CEP76: variants seen among roughly 807,000 people sequenced by gnomAD.
CEP76 encodes centrosomal protein of 76 kDa.
Under a neutral mutation model 83.3 loss-of-function variants are expected in CEP76, and 55 were observed. The ratio of observed to expected loss-of-function variants is 0.66; its 90% confidence interval spans 0.53 to 0.83. The LOEUF (loss-of-function observed/expected upper bound fraction) is 0.83, where lower values mean the gene tolerates loss of function less well. Among genes scored for constraint, CEP76 ranks in the 40% least tolerant of loss-of-function variants. CEP76 has a pLI of 0.00. For missense variants in CEP76, 694 were observed against 799.5 expected, an observed-to-expected ratio of 0.87 and a Z score of 1.59; for synonymous variants, 270 against 274.5, an observed-to-expected ratio of 0.98 and a Z score of 0.16.
chr18:12,682,437 C>T (rs556207529), intron 8 of CEP76, among the ~76,000 whole-genome samples: 1 of 152,288 alleles, frequency 6.6e-6, no homozygotes, highest in African/African-American at 2.4e-5. Context: ...AATCCGCTTG[C>T]CTCAGCCTCC....
chr18:12,680,756 C>A lies in CEP76; in HGVS notation c.1195G>T (p.Val399Phe), dbSNP rs1328347368. The part of the protein sequence containing the change: ...LGYGLEAFVC[V>F]GTKAKGVPHA... Reference sequence around the variant, plus strand: ...GGTACTCCTTTTGCCTTGGTCCCAACACAAACAAAGGCTTCTAATCCATAT... The same window carrying A: ...GGTACTCCTTTTGCCTTGGTCCCAAAACAAACAAAGGCTTCTAATCCATAT... The change falls in exon 9 of 12, where the codon GTT (valine) becomes TTT (phenylalanine). Residue 399 changes from valine (V) to phenylalanine (F), a missense_variant. Transcript: ENST00000262127. 1 of 1,613,660 alleles carries A rather than the reference C, an allele frequency of 6.2e-7. No individual in the cohort carries two copies. Among genetic ancestry groups the A allele is most frequent in the Non-Finnish European group, 8.5e-7 (1 of 1,179,788 alleles).
downstream of CEP76, among the ~76,000 whole-genome samples, chr18:12,672,150 T>C (rs2038964746): frequency 6.8e-6 from 1 of 147,708 alleles, no homozygotes; most frequent in Admixed American, 6.9e-5. Flanking sequence ...AGTCTCGCTC[T>C]GCCTCCCATG....
downstream of CEP76, among the ~76,000 whole-genome samples, chr18:12,669,123 C>CT (rs113784090): frequency 8.5e-3 from 1,009 of 118,934 alleles, 55 homozygotes; most frequent in African/African-American, 0.029. Flanking sequence ...ACGGCAACCT[C>CT]TTTTTTTTTG....
intron 8 of CEP76, among the ~76,000 whole-genome samples, chr18:12,683,096 A>G (rs904441669): frequency 1.3e-5 from 2 of 150,894 alleles, no homozygotes; most frequent in Admixed American, 6.7e-5. Flanking sequence ...CTGTAATCTC[A>G]GCACTTTGGG....
rs1568008246 is a variant in CEP76 at position 12,673,206 on chromosome 18, A to AT, written c.*158dup. On this transcript the variant is annotated 3_prime_UTR_variant, in exon 12 of 12. Coordinates refer to ENST00000262127, the MANE Select transcript of CEP76 (RefSeq NM_024899.4). ...GCCTTAATTTTTAAAGGAATGCATG[A>AT]TTTTTTTTAAACATTACCAGTCAAG... 5.2e-6 allele frequency: 7 copies of AT among 1,336,300 alleles called. No individual in the cohort carries two copies. Among genetic ancestry groups the AT allele is most frequent in the East Asian group, 2.9e-5 (1 of 34,032 alleles). The allele number at this position is 1,336,300 out of a possible 1,614,324, so 82.8% of individuals were successfully genotyped here. A position where few individuals can be genotyped will look rare whatever the true frequency, so the allele number is the denominator to read the frequency against.
intron 9 of CEP76, among the ~76,000 whole-genome samples, 166 bp from the exon 10 acceptor site, chr18:12,678,608 T>C (rs905171071): frequency 3.9e-5 from 6 of 152,320 alleles, no homozygotes; most frequent in African/African-American, 1.4e-4. Flanking sequence ...TCTGTATTAA[T>C]TGTATGGTAC....
At chr18:12,692,294 C>CGATA (rs1568027024) in intron 6 of CEP76, 1 of 150,582 alleles carries the variant, frequency 6.6e-6, no homozygotes, top group Non-Finnish European at 1.5e-5. Context: ...CCACCCTGGG[C>CGATA]GATAGAGTGA....
chr18:12,678,564 G>T, intron 9 of CEP76, 122 bp from the exon 10 acceptor site: 1 of 628,174 alleles, frequency 1.6e-6, no homozygotes, highest in East Asian at 2.8e-5. Context: ...TTTAATACTT[G>T]TTTTTCTTTT....
Position 12,673,160 on chromosome 18 carries a change from G to C in CEP76, c.*205C>G, listed in dbSNP as rs2038990229. Reference sequence around the variant, plus strand: ...CACTTAATTTATACTAAATTCCAGGGAGATTTATACAAGTTTTTCAGCCTT... The same window carrying C: ...CACTTAATTTATACTAAATTCCAGGCAGATTTATACAAGTTTTTCAGCCTT... On this transcript the variant is annotated 3_prime_UTR_variant, in exon 12 of 12. Transcript: ENST00000262127. 1.7e-6 allele frequency: 2 copies of C among 1,201,280 alleles called. No homozygotes were observed. The highest frequency in any genetic ancestry group is 1.0e-6 in the Non-Finnish European group (1 of 954,000). The allele number at this position is 1,201,280 out of a possible 1,614,324, so 74.4% of individuals were successfully genotyped here.
At chr18:12,693,897 A>G (rs2039857312) in intron 6 of CEP76, among the ~76,000 whole-genome samples, 1 of 152,178 alleles carries the variant, frequency 6.6e-6, no homozygotes, top group Non-Finnish European at 1.5e-5. Context: ...CAGTGGTACA[A>G]TCACAGCTCA....
At position 12,673,438 on chromosome 18, in the gene CEP76, C is replaced by A; in HGVS notation, c.1907G>T (p.Arg636Leu). ...GDQVRLAVRV[R>L]VFTYPESACA... Reference sequence around the variant, plus strand: ...TGCAGATTCAGGGTAAGTAAATACTCGGACACGAACTGCCAGTCGCACTTG... The same window carrying A: ...TGCAGATTCAGGGTAAGTAAATACTAGGACACGAACTGCCAGTCGCACTTG... Residue 636 changes from arginine (R) to leucine (L), a missense_variant, in exon 12 of 12, where the codon CGA becomes CTA. Arg to Leu is a moderately radical substitution (Grantham distance 102). Transcript: ENST00000262127. The A allele has an allele frequency of 1.3e-6, 2 of 1,597,846 alleles. No homozygotes were observed. The highest frequency in any genetic ancestry group is 1.7e-6 in the Non-Finnish European group (2 of 1,175,324).
chr18:12,701,868 C>G (rs1487374098), intron 1 of CEP76, among the ~76,000 whole-genome samples: 1 of 152,214 alleles, frequency 6.6e-6, no homozygotes, highest in Non-Finnish European at 1.5e-5. Flanking sequence ...CGGAGGCTCA[C>G]GCCTGTAATC....
chr18:12,691,585 CCTAAT>C, intron 6 of CEP76, 98 bp from the exon 7 acceptor site: 1 of 829,482 alleles, frequency 1.2e-6, no homozygotes, highest in South Asian at 2.0e-5. Flanking sequence ...TCATTACCAC[CCTAAT>C]CTGAGTCATC....
At chr18:12,690,048 C>G (rs1031986635) in intron 7 of CEP76, among the ~76,000 whole-genome samples, 30 of 152,118 alleles carry the variant, frequency 2.0e-4, no homozygotes, top group African/African-American at 7.0e-4. Flanking sequence ...CTCGGCCTCC[C>G]CAAGTGCTGG....
At chr18:12,691,329 C>A in intron 7 of CEP76, 30 bp downstream of exon 7, 1 of 1,418,650 alleles carries the variant, frequency 7.0e-7, no homozygotes, top group Non-Finnish European at 9.6e-7. Context: ...CAAATACAGG[C>A]ATAAAATTAT....
intron 12 of CEP76, chr18:12,663,419 C>G (rs1175390177): frequency 6.6e-6 from 1 of 152,112 alleles, no homozygotes; most frequent in African/African-American, 2.4e-5. Context: ...ACCACAGGTG[C>G]ACACGACCAC....
At chr18:12,674,485 G>A in intron 11 of CEP76, 51 bp downstream of exon 11, 1 of 1,294,082 alleles carries the variant, frequency 7.7e-7, no homozygotes, top group Non-Finnish European at 1.1e-6. Context: ...CTGCCGGACT[G>A]ATCTGTAAGA....
chr18:12,700,874 G>A (rs1358308935), intron 2 of CEP76, 84 bp downstream of exon 2: 1 of 1,114,332 alleles, frequency 9.0e-7, no homozygotes, highest in Non-Finnish European at 1.3e-6. Flanking sequence ...AAAACGAAAG[G>A]CCCCACATCG....
At chr18:12,672,531 A>G (rs192224483), downstream of CEP76, 61 of 356,766 alleles carry the variant, frequency 1.7e-4, no homozygotes, top group African/African-American at 1.4e-3. Context: ...TTAGTCACAT[A>G]TATGCTGATT....
Sources: gnomAD v4.1 joint callset for allele counts (sites outside exome capture counted in the v4.1 genomes callset) on GRCh38, gnomAD v4.1.1 for gene constraint, MANE v1.5 for transcripts, NCBI Gene and HGNC (gene_info 2026-07-23, HGNC 2026-07-21) for gene names.